TGM6: variants seen among roughly 807,000 people sequenced by gnomAD.
The protein encoded by TGM6 is protein-glutamine gamma-glutamyltransferase 6.
A neutral mutation model predicts 77.5 loss-of-function variants in TGM6; 74 were observed. The observed-to-expected ratio is 0.96, with a 90% CI of 0.79 to 1.16. TGM6 has a LOEUF of 1.16. Among genes scored for constraint, TGM6 ranks in the 50% most tolerant of loss-of-function variants. The pLI is 0.00. For missense variants in TGM6, 968 were observed against 940.2 expected, an observed-to-expected ratio of 1.03 and a Z score of -0.39; for synonymous variants, 383 against 378.9, an observed-to-expected ratio of 1.01 and a Z score of -0.12.
At chr20:2,424,572 G>A (rs927951341) in intron 10 of TGM6, among the ~76,000 whole-genome samples, 1 of 152,182 alleles carries the variant, frequency 6.6e-6, no homozygotes, top group African/African-American at 2.4e-5. Flanking sequence ...CTTATATGGA[G>A]ATCACTAAAA....
At chr20:2,400,909 C>T (rs1429041073) in intron 7 of TGM6, among the ~76,000 whole-genome samples, 1 of 152,126 alleles carries the variant, frequency 6.6e-6, no homozygotes, top group Non-Finnish European at 1.5e-5. Flanking sequence ...CACGGTGGCT[C>T]ACACCTGTAA....
At chr20:2,395,093 A>G in intron 2 of TGM6, 101 bp from the exon 3 acceptor site, 1 of 1,539,894 alleles carries the variant, frequency 6.5e-7, no homozygotes, top group Non-Finnish European at 8.7e-7. Context: ...CCAGAAGTTC[A>G]GGGGGTGAAG....
At chr20:2,390,922 A>G (rs1393665012) in intron 1 of TGM6, among the ~76,000 whole-genome samples, 1 of 152,074 alleles carries the variant, frequency 6.6e-6, no homozygotes, top group Non-Finnish European at 1.5e-5. Flanking sequence ...TAAGGAGATC[A>G]GTGTGGCTTA....
At chr20:2,420,698 C>T (rs1051901276) in intron 10 of TGM6, among the ~76,000 whole-genome samples, 1 of 152,212 alleles carries the variant, frequency 6.6e-6, no homozygotes, top group Non-Finnish European at 1.5e-5. Context: ...ACTGTCTCCA[C>T]ACTTTTGCCT....
intron 1 of TGM6, among the ~76,000 whole-genome samples, chr20:2,386,652 C>T (rs1335520640): frequency 6.6e-6 from 1 of 151,958 alleles, no homozygotes; most frequent in Non-Finnish European, 1.5e-5. Flanking sequence ...GGAATTTGTG[C>T]CTGGGCAGGA....
intron 7 of TGM6, among the ~76,000 whole-genome samples, chr20:2,401,342 C>T (rs909299273): frequency 1.4e-4 from 21 of 152,210 alleles, no homozygotes; most frequent in African/African-American, 5.1e-4. Flanking sequence ...CCTCCCCATC[C>T]TCCTCCTGGA....
chr20:2,410,147 G>A (rs1210753574), intron 9 of TGM6, among the ~76,000 whole-genome samples: 3 of 152,128 alleles, frequency 2.0e-5, no homozygotes, highest in Non-Finnish European at 4.4e-5. Context: ...GAAAAATCAA[G>A]GCATGATTAG....
intron 1 of TGM6, among the ~76,000 whole-genome samples, chr20:2,385,910 G>T (rs762862079): frequency 2.0e-5 from 3 of 152,226 alleles, no homozygotes; most frequent in Non-Finnish European, 4.4e-5. Context: ...CCTTCATGGA[G>T]CTCTCAGTCC....
intron 9 of TGM6, among the ~76,000 whole-genome samples, chr20:2,406,674 A>G (rs1291482942): frequency 1.3e-5 from 2 of 151,316 alleles, no homozygotes; most frequent in African/African-American, 4.9e-5. Flanking sequence ...CGTCTCTACT[A>G]AAAATACAAA....
At chr20:2,408,128 C>A (rs1418823522) in intron 9 of TGM6, among the ~76,000 whole-genome samples, 1 of 152,122 alleles carries the variant, frequency 6.6e-6, no homozygotes, top group African/African-American at 2.4e-5. Flanking sequence ...CAGACTCATG[C>A]TGGGCAATAT....
rs552530897 is a variant in TGM6 at position 2,403,685 on chromosome 20, A to G, written c.1198A>G (p.Ile400Val). Residue 400 changes from isoleucine to valine, a missense_variant, in exon 9 of 13, where the codon ATC becomes GTC. Transcript: ENST00000202625. Reference protein sequence around the residue: ...FVFAEVNADYITWLWHEDESR... With the variant: ...FVFAEVNADYVTWLWHEDESR... ...GTTTGCGGAGGTCAACGCCGACTACATCACCTGGCTGTGGCACGAGGATGA... is the reference window on the plus strand; with the variant it reads ...GTTTGCGGAGGTCAACGCCGACTACGTCACCTGGCTGTGGCACGAGGATGA... 253 of 1,614,136 alleles carry G rather than the reference A, an allele frequency of 1.6e-4. 3 individuals are homozygous for G. The South Asian group carries it at 2.6e-3, about 17-fold the overall frequency.
rs182254176 is a variant in TGM6 at position 2,416,879 on chromosome 20, T to C, written c.1337-353T>C. On this transcript the variant is annotated intron_variant, in intron 9 of 12. Coordinates refer to ENST00000202625, the MANE Select transcript of TGM6 (RefSeq NM_198994.3). ...TGAGGAGTTACTTTACTTCCCTGTG[T>C]CTCGGCTTCCTTGTCTGTTAAATGT... Among the ~76,000 whole-genome samples the C allele has an allele frequency of 6.5e-4, 99 of 152,306 alleles. 1 individual carries two copies. The East Asian group carries it at 0.017, about 26-fold the overall frequency.
intron 7 of TGM6, 30 bp downstream of exon 7, chr20:2,400,474 G>A: frequency 1.2e-6 from 2 of 1,613,702 alleles, no homozygotes; most frequent in South Asian, 2.2e-5. Context: ...TAGGCCCGAG[G>A]GCTCTGGAAG....
intron 1 of TGM6, among the ~76,000 whole-genome samples, chr20:2,393,858 A>G (rs1372651110): frequency 1.3e-5 from 2 of 152,192 alleles, no homozygotes; most frequent in South Asian, 2.1e-4. Context: ...AAACGCACAT[A>G]TAATAAGGTT....
chr20:2,384,586 G>A (rs562600273), intron 1 of TGM6, among the ~76,000 whole-genome samples: 1 of 152,254 alleles, frequency 6.6e-6, no homozygotes, highest in South Asian at 2.1e-4. Context: ...GTGAGGAAGC[G>A]GGTATGATCA....
chr20:2,428,846 TAG>T (rs2084905799), intron 10 of TGM6, among the ~76,000 whole-genome samples: 2 of 152,138 alleles, frequency 1.3e-5, no homozygotes, highest in Admixed American at 6.6e-5. Context: ...TATTTTGAGA[TAG>T]AGTCTCTCTC....
At chr20:2,400,902 G>A (rs780865537) in intron 7 of TGM6, among the ~76,000 whole-genome samples, 9 of 152,098 alleles carry the variant, frequency 5.9e-5, no homozygotes, top group East Asian at 1.9e-4. Flanking sequence ...GGCCAGGCAC[G>A]GTGGCTCACA....
rs1250836616 is a variant in TGM6 at position 2,403,850 on chromosome 20, A to C, written c.1336+27A>C. 3 of 1,613,462 alleles carry C rather than the reference A, an allele frequency of 1.9e-6. No homozygotes were observed. In the East Asian group the frequency reaches 6.7e-5, roughly 36 times the overall value. On this transcript the variant is annotated intron_variant, in intron 9 of 12. Transcript: ENST00000202625. ...TAAGGGCCACATGGCGGCCTTTATT[A>C]CCTTCCCCCGGATGGCCCATCAGCT...
At chr20:2,399,497 C>G in intron 5 of TGM6, 64 bp from the exon 6 acceptor site, 1 of 1,610,528 alleles carries the variant, frequency 6.2e-7, no homozygotes, top group East Asian at 2.2e-5. Flanking sequence ...AGGATTTGAC[C>G]ACGATGCGGT....
Sources: allele counts gnomAD v4.1 joint callset (sites outside exome capture counted in the v4.1 genomes callset), GRCh38; gene constraint gnomAD v4.1.1; transcripts MANE v1.5; gene names NCBI Gene and HGNC (gene_info 2026-07-23, HGNC 2026-07-21).